NAA16: variants seen among roughly 807,000 people sequenced by gnomAD.
NAA16 encodes NARG1-like protein.
Under a neutral mutation model 110.3 loss-of-function variants are expected in NAA16, and 97 were observed. The observed-to-expected ratio is 0.88, with a 90% CI of 0.75 to 1.04. The LOEUF is 1.04. Ranked by LOEUF, NAA16 falls within the 50% of genes least tolerant of loss-of-function variation. The pLI is 0.00. For synonymous variants in NAA16, 372 were observed against 330.6 expected (o/e 1.13, Z -1.36); for missense variants, 1,017 against 1,005.1 (o/e 1.01, Z -0.16).
intron 8 of NAA16, among the ~76,000 whole-genome samples, chr13:41,332,145 A>C (rs1414841665): frequency 6.6e-6 from 1 of 151,522 alleles, no homozygotes; most frequent in African/African-American, 2.4e-5. Context: ...GTAGCCTCAA[A>C]CCCCTGGGCT....
chr13:41,358,536 G>A, intron 11 of NAA16, 63 bp downstream of exon 11: 1 of 1,585,096 alleles, frequency 6.3e-7, no homozygotes, highest in African/African-American at 1.4e-5. Context: ...AATCCTTGGA[G>A]TTTTTTCTTT....
intron 6 of NAA16, chr13:41,327,822 A>T (rs1487563149): frequency 6.6e-6 from 1 of 151,802 alleles, no homozygotes. Flanking sequence ...TCCACGTCAC[A>T]AAACTAGTTA....
chr13:41,353,113 T>TCAAAACAAAATAAAACAAAACAAAA (rs112150240), intron 9 of NAA16, among the ~76,000 whole-genome samples: 294 of 150,534 alleles, frequency 2.0e-3, no homozygotes, highest in African/African-American at 5.4e-3. Context: ...AGACTCCATC[T>TCAAAACAAAATAAAACAAAACAAAA]CAAAACAAAA....
chr13:41,372,738 T>G lies in NAA16; in HGVS notation c.2063T>G (p.Phe688Cys). 6.3e-7 allele frequency: 1 copy of G among 1,593,142 alleles called. No homozygotes were observed. The highest frequency in any genetic ancestry group is 8.6e-7 in the Non-Finnish European group (1 of 1,167,918). ...AFEIYFRKGK[F>C]LLMLQSVKRA... ...TGTATTTTTTCTGACACAGGAAAGTTTCTGTTAATGCTGCAGTCTGTCAAA... is the reference window on the plus strand; with the variant it reads ...TGTATTTTTTCTGACACAGGAAAGTGTCTGTTAATGCTGCAGTCTGTCAAA... Residue 688 changes from phenylalanine (F) to cysteine (C), a missense_variant, in exon 17 of 20, where the codon TTT (phenylalanine) becomes TGT (cysteine). Phe to Cys is a radical substitution (Grantham distance 205). Coordinates refer to ENST00000379406, the MANE Select transcript of NAA16 (RefSeq NM_024561.5).
chr13:41,327,118 A>C (rs1025373406), intron 6 of NAA16, among the ~76,000 whole-genome samples: 1 of 151,860 alleles, frequency 6.6e-6, no homozygotes, highest in Non-Finnish European at 1.5e-5. Flanking sequence ...TTTTTTTCCC[A>C]TACCTTTTCA....
chr13:41,324,363 C>CTTTTTTTTT lies in NAA16; in HGVS notation c.537+1195_537+1203dup, dbSNP rs71086562. The stretch of plus-strand genomic sequence containing the variant: ...TTAGGTGTTTGCAATTTCTTTCTTT[C>CTTTTTTTTT]TTTTTTTTTTTTTTTTTTTTTTTTT... On this transcript the variant is annotated intron_variant, in intron 5 of 19. Coordinates refer to ENST00000379406, the MANE Select transcript of NAA16 (RefSeq NM_024561.5). Among the ~76,000 whole-genome samples the CTTTTTTTTT allele has an allele frequency of 6.4e-4, 42 of 66,090 alleles. 2 individuals carry two copies. The highest frequency in any genetic ancestry group is 1.0e-3 in the Non-Finnish European group (38 of 37,360). The allele number at this position is 66,090 out of a possible 152,430, so 43.4% of individuals were successfully genotyped here. A position where few individuals can be genotyped will look rare whatever the true frequency, so the allele number is the denominator to read the frequency against.
intron 4 of NAA16, among the ~76,000 whole-genome samples, chr13:41,322,286 A>G (rs2041967644): frequency 6.6e-6 from 1 of 152,150 alleles, no homozygotes; most frequent in African/African-American, 2.4e-5. Flanking sequence ...GTGGTCAAAG[A>G]ACAAGGGTAG....
At chr13:41,359,319 T>C (rs1230694578) in intron 12 of NAA16, among the ~76,000 whole-genome samples, 1 of 152,224 alleles carries the variant, frequency 6.6e-6, no homozygotes, top group Non-Finnish European at 1.5e-5. Flanking sequence ...TGTCTTACTT[T>C]TAACTTGCTC....
At chr13:41,353,402 ATTTT>A (rs915687946) in intron 9 of NAA16, among the ~76,000 whole-genome samples, 2 of 148,152 alleles carry the variant, frequency 1.3e-5, no homozygotes, top group African/African-American at 2.5e-5. Context: ...AGTCTTTGCA[ATTTT>A]TTTTTTTATC....
At chr13:41,318,402 G>C (rs576728660) in intron 2 of NAA16, among the ~76,000 whole-genome samples, 2 of 151,932 alleles carry the variant, frequency 1.3e-5, no homozygotes. Context: ...GGGTTTTGCT[G>C]TGTTGGCCAG....
intron 9 of NAA16, among the ~76,000 whole-genome samples, chr13:41,346,389 G>A (rs7982542): frequency 2.6e-5 from 4 of 152,022 alleles, no homozygotes; most frequent in Non-Finnish European, 4.4e-5. Flanking sequence ...TGTTATTCAG[G>A]TGCAGCCACA....
At chr13:41,318,976 T>A in intron 3 of NAA16, 66 bp downstream of exon 3, 1 of 918,462 alleles carries the variant, frequency 1.1e-6, no homozygotes, top group Non-Finnish European at 1.6e-6. Flanking sequence ...AAATTAAATT[T>A]GTACTATGAA....
intron 12 of NAA16, among the ~76,000 whole-genome samples, chr13:41,361,609 A>T (rs944311506): frequency 6.6e-5 from 10 of 152,200 alleles, no homozygotes; most frequent in African/African-American, 2.4e-4. Flanking sequence ...CGTTATGTAT[A>T]TGTGGGTTTT....
intron 14 of NAA16, among the ~76,000 whole-genome samples, chr13:41,368,157 C>G (rs2043244109): frequency 6.6e-6 from 1 of 151,936 alleles, no homozygotes; most frequent in South Asian, 2.1e-4. Context: ...AATATATAAT[C>G]TTAAAATTTC....
At chr13:41,330,529 A>T (rs181909700) in intron 7 of NAA16, among the ~76,000 whole-genome samples, 2 of 152,184 alleles carry the variant, frequency 1.3e-5, no homozygotes, top group Non-Finnish European at 2.9e-5. Context: ...TCCACTATAA[A>T]TTATCTTATT....
rs750156838 is a variant in NAA16, at chr13:41,372,764, C to T, written c.2089C>T (p.Arg697Ter). The change falls in exon 17 of 20, where the codon CGA becomes TGA. Residue 697 changes from arginine (R) to a stop codon, truncating the protein, a stop_gained. Coordinates refer to ENST00000379406, the MANE Select transcript of NAA16 (RefSeq NM_024561.5). LOFTEE classifies it high-confidence loss of function. ...KFLLMLQSVK[R>*]AFAINSNNPW... ...TCTGTTAATGCTGCAGTCTGTCAAA[C>T]GAGCTTTTGCCATTAACAGTAATAA... 2.8e-5 allele frequency: 45 copies of T among 1,601,628 alleles called. No individual in the cohort carries two copies. Among genetic ancestry groups the T allele is most frequent in the Non-Finnish European group, 3.2e-5 (38 of 1,172,714 alleles).
At chr13:41,347,842 C>T (rs1160727589) in intron 9 of NAA16, among the ~76,000 whole-genome samples, 1 of 151,998 alleles carries the variant, frequency 6.6e-6, no homozygotes, top group Non-Finnish European at 1.5e-5. Context: ...ATTTCATTTT[C>T]TTGACTAATT....
In NAA16 at chr13:41,352,789, G is replaced by A. The variant is rs1480013667; in HGVS notation, c.1015-2355G>A. On this transcript the variant is annotated intron_variant, in intron 9 of 19. Coordinates refer to ENST00000379406, the MANE Select transcript of NAA16 (RefSeq NM_024561.5). ...AATTTTCCATTACCTTTTTTCCCCC[G>A]TAATCAGATCTTGTTTTGAAGTTCT... Among the ~76,000 whole-genome samples the A allele has an allele frequency of 4.0e-5, 6 of 151,622 alleles. No homozygotes were observed. In the East Asian group the frequency reaches 7.7e-4, roughly 20 times the overall value.
At chr13:41,372,457 G>T (rs1403241794) in intron 16 of NAA16, 146 bp downstream of exon 16, 1 of 1,345,516 alleles carries the variant, frequency 7.4e-7, no homozygotes, top group Non-Finnish European at 9.5e-7. Context: ...TCGAAACTTA[G>T]GTGGGTAATA....
Sources: allele counts gnomAD v4.1 joint callset (sites outside exome capture counted in the v4.1 genomes callset), GRCh38; gene constraint gnomAD v4.1.1; transcripts MANE v1.5; gene names NCBI Gene and HGNC (gene_info 2026-07-23, HGNC 2026-07-21).